EXOC6B: variants seen among roughly 807,000 people sequenced by gnomAD.
The protein encoded by EXOC6B is SEC15 homolog B.
A neutral mutation model predicts 113.5 loss-of-function variants in EXOC6B; 54 were observed. The ratio of observed to expected loss-of-function variants is 0.48; its 90% CI spans 0.38 to 0.60. The LOEUF is 0.60. EXOC6B is among the 20% of genes least tolerant of loss of function. The pLI, the probability that EXOC6B is intolerant of heterozygous loss-of-function variation, is 0.00. For synonymous variants in EXOC6B, 357 were observed against 339.0 expected (o/e 1.05, Z -0.58); for missense variants, 797 against 977.5 (o/e 0.82, Z 2.46).
At chr2:72,540,548 C>T (rs1234970742) in intron 8 of EXOC6B, among the ~76,000 whole-genome samples, 1 of 152,070 alleles carries the variant, frequency 6.6e-6, no homozygotes, top group Non-Finnish European at 1.5e-5. Flanking sequence ...AGGATAATTG[C>T]TTACATAACC....
chr2:72,633,621 T>C (rs904122769), intron 6 of EXOC6B, among the ~76,000 whole-genome samples: 21 of 152,196 alleles, frequency 1.4e-4, no homozygotes, highest in East Asian at 7.7e-4. Context: ...ATTTGCCTTA[T>C]AGGTTTATCT....
intron 20 of EXOC6B, among the ~76,000 whole-genome samples, chr2:72,213,000 C>T (rs567659712): frequency 3.9e-5 from 6 of 152,336 alleles, no homozygotes; most frequent in Admixed American, 3.9e-4. Flanking sequence ...GACTTGATTT[C>T]CTCAAGAGAA....
chr2:72,426,919 A>G (rs1446710733), intron 18 of EXOC6B, among the ~76,000 whole-genome samples: 2 of 152,188 alleles, frequency 1.3e-5, no homozygotes, highest in African/African-American at 4.8e-5. Flanking sequence ...TGGGTCACCT[A>G]TGCCCCATGT....
At chr2:72,334,706 A>T (rs1217543483) in intron 20 of EXOC6B, among the ~76,000 whole-genome samples, 1 of 151,650 alleles carries the variant, frequency 6.6e-6, no homozygotes, top group Non-Finnish European at 1.5e-5. Context: ...GAGTCCCTCT[A>T]CTCTGGGTCC....
chr2:72,405,171 G>C (rs1454903167), intron 18 of EXOC6B, among the ~76,000 whole-genome samples: 3 of 152,134 alleles, frequency 2.0e-5, no homozygotes, highest in Non-Finnish European at 4.4e-5. Context: ...GAAAGGAAAT[G>C]AACAAAGCCT....
intron 8 of EXOC6B, among the ~76,000 whole-genome samples, chr2:72,554,839 T>A (rs1259514130): frequency 6.6e-6 from 1 of 152,120 alleles, no homozygotes; most frequent in East Asian, 1.9e-4. Flanking sequence ...ACGTGCCATG[T>A]TGGTTTGCTG....
At chr2:72,730,589 C>G (rs1387629444) in intron 5 of EXOC6B, among the ~76,000 whole-genome samples, 1 of 144,364 alleles carries the variant, frequency 6.9e-6, no homozygotes, top group Non-Finnish European at 1.5e-5. Context: ...GACACACACA[C>G]ACACACACAC....
intron 20 of EXOC6B, among the ~76,000 whole-genome samples, chr2:72,293,504 A>C (rs758257159): frequency 5.9e-5 from 9 of 152,290 alleles, no homozygotes; most frequent in Non-Finnish European, 1.3e-4. Context: ...ATAATTGTTA[A>C]AAATGAGATA....
chr2:72,709,010 T>C (rs529701763), intron 6 of EXOC6B, among the ~76,000 whole-genome samples: 1 of 143,972 alleles, frequency 6.9e-6, no homozygotes, highest in Admixed American at 7.4e-5. Context: ...TCCAAAGTGC[T>C]GGGATTATAG....
At chr2:72,339,285 G>A (rs1469209276) in intron 19 of EXOC6B, among the ~76,000 whole-genome samples, 1 of 151,966 alleles carries the variant, frequency 6.6e-6, no homozygotes, top group African/African-American at 2.4e-5. Flanking sequence ...ATGCAATTTT[G>A]GCCAAGCAGA....
chr2:72,716,069 C>A (rs1362868369), intron 6 of EXOC6B, among the ~76,000 whole-genome samples: 1 of 152,222 alleles, frequency 6.6e-6, no homozygotes, highest in Non-Finnish European at 1.5e-5. Flanking sequence ...TCCAGCCTCT[C>A]TTACAGCTAG....
intron 20 of EXOC6B, among the ~76,000 whole-genome samples, chr2:72,268,401 T>C (rs568840902): frequency 5.0e-4 from 76 of 152,218 alleles, no homozygotes; most frequent in Middle Eastern, 3.4e-3. Context: ...TGTGAGCCAC[T>C]GTGCCCAGCT....
chr2:72,745,446 T>A (rs575078134), intron 1 of EXOC6B, among the ~76,000 whole-genome samples: 1 of 151,984 alleles, frequency 6.6e-6, no homozygotes, highest in Non-Finnish European at 1.5e-5. Flanking sequence ...CCAGAGTATT[T>A]TGAGAATTAA....
intron 20 of EXOC6B, among the ~76,000 whole-genome samples, chr2:72,318,456 C>T (rs1464122667): frequency 6.6e-6 from 1 of 151,594 alleles, no homozygotes; most frequent in African/African-American, 2.4e-5. Flanking sequence ...TGCAATGGTG[C>T]GATCTCGGCC....
intron 21 of EXOC6B, among the ~76,000 whole-genome samples, chr2:72,183,309 G>A (rs1327308130): frequency 2.0e-5 from 3 of 152,140 alleles, no homozygotes; most frequent in Non-Finnish European, 4.4e-5. Flanking sequence ...TATGGGTCTT[G>A]GTCTCTGACC....
intron 1 of EXOC6B, among the ~76,000 whole-genome samples, chr2:72,790,567 A>G (rs1684618859): frequency 6.6e-6 from 1 of 152,222 alleles, no homozygotes; most frequent in Non-Finnish European, 1.5e-5. Flanking sequence ...AAAGTTAAAT[A>G]TAAACAAATT....
intron 20 of EXOC6B, among the ~76,000 whole-genome samples, chr2:72,320,746 G>A (rs2104827296): frequency 6.6e-6 from 1 of 152,204 alleles, no homozygotes; most frequent in East Asian, 1.9e-4. Flanking sequence ...ACTAAAATCA[G>A]AAGAAAAAAC....
At chr2:72,480,515 G>T in intron 17 of EXOC6B, 101 bp downstream of exon 17, 4 of 1,062,686 alleles carry the variant, frequency 3.8e-6, no homozygotes, top group Non-Finnish European at 5.2e-6. Flanking sequence ...ATTCTCAAGA[G>T]CATGTTATAA....
chr2:72,419,989 C>A (rs1056365377), intron 18 of EXOC6B, among the ~76,000 whole-genome samples: 3 of 152,064 alleles, frequency 2.0e-5, no homozygotes, highest in African/African-American at 7.2e-5. Context: ...TTTCTTCAAT[C>A]TTTTGGCTTT....
Sources: allele counts gnomAD v4.1 joint callset (sites outside exome capture counted in the v4.1 genomes callset), GRCh38; gene constraint gnomAD v4.1.1; transcripts MANE v1.5; gene names NCBI Gene and HGNC (gene_info 2026-07-23, HGNC 2026-07-21).